Variants in SORCS2 observed in about 807,000 individuals in gnomAD.
SORCS2 encodes the protein VPS10 domain-containing receptor SorCS2.
SORCS2 carries 100 observed loss-of-function variants against 141.6 expected under a neutral mutation model. That is an observed-to-expected ratio of 0.71 (90% CI 0.60 to 0.83). The LOEUF (loss-of-function observed/expected upper bound fraction) is 0.83, where lower values mean the gene tolerates loss of function less well. SORCS2 is among the 40% of genes least tolerant of loss of function. The pLI is 0.00. For missense variants in SORCS2, 1,646 were observed against 1,560.2 expected, an observed-to-expected ratio of 1.05 and a Z score of -0.93; for synonymous variants, 789 against 676.9, an observed-to-expected ratio of 1.17 and a Z score of -2.57.
chr4:7,324,034 T>C (rs1383635289), intron 1 of SORCS2, among the ~76,000 whole-genome samples: 1 of 152,198 alleles, frequency 6.6e-6, no homozygotes, highest in Non-Finnish European at 1.5e-5. Flanking sequence ...GATGGGTCTC[T>C]CACAGGGATC....
In SORCS2 at chr4:7,699,637, G is replaced by A. The variant is rs1432039171; in HGVS notation, c.1668+2363G>A. On this transcript the variant is annotated intron_variant, in intron 12 of 26. Coordinates refer to ENST00000507866, the MANE Select transcript of SORCS2 (RefSeq NM_020777.3). ...TTAGGCTCCTGGTGGAGCCAGGGAAGGGGGCTGCAGCCACGCCCTCAAAGG... is the reference window on the plus strand; with the variant it reads ...TTAGGCTCCTGGTGGAGCCAGGGAAAGGGGCTGCAGCCACGCCCTCAAAGG... Among the ~76,000 whole-genome samples the A allele has an allele frequency of 2.6e-5, 4 of 152,298 alleles. No homozygotes were observed. The East Asian group carries it at 7.8e-4, about 30-fold the overall frequency.
chr4:7,712,134 C>T (rs532212216), intron 14 of SORCS2, among the ~76,000 whole-genome samples: 201 of 152,334 alleles, frequency 1.3e-3, no homozygotes, highest in South Asian at 2.3e-3. Context: ...CCCCCACCCA[C>T]CTAGGCTGCG....
intron 2 of SORCS2, among the ~76,000 whole-genome samples, chr4:7,468,896 G>C (rs1039393601): frequency 6.6e-6 from 1 of 152,184 alleles, no homozygotes; most frequent in Admixed American, 6.5e-5. Flanking sequence ...TTCTCTCCCT[G>C]CTCCACATCT....
At chr4:7,337,511 C>A (rs533516810) in intron 1 of SORCS2, among the ~76,000 whole-genome samples, 1 of 152,170 alleles carries the variant, frequency 6.6e-6, no homozygotes, top group Non-Finnish European at 1.5e-5. Flanking sequence ...GTGCACCGGC[C>A]CTGAGGGCAG....
chr4:7,372,857 C>T (rs1426550771), intron 1 of SORCS2, among the ~76,000 whole-genome samples: 1 of 152,140 alleles, frequency 6.6e-6, no homozygotes, highest in Non-Finnish European at 1.5e-5. Context: ...TTCACTCCCG[C>T]AGTCCTGTTG....
chr4:7,242,461 C>G (rs1332634231), intron 1 of SORCS2, among the ~76,000 whole-genome samples: 1 of 152,120 alleles, frequency 6.6e-6, no homozygotes, highest in Non-Finnish European at 1.5e-5. Context: ...ACCCCGGCCT[C>G]CCAAAGTGCT....
intron 11 of SORCS2, among the ~76,000 whole-genome samples, chr4:7,694,253 A>G (rs1724452252): frequency 6.6e-6 from 1 of 152,134 alleles, no homozygotes; most frequent in Non-Finnish European, 1.5e-5. Flanking sequence ...GCCCAAAGAG[A>G]CACCAGAACA....
At chr4:7,721,843 C>T (rs1005030127) in intron 18 of SORCS2, among the ~76,000 whole-genome samples, 22 of 152,092 alleles carry the variant, frequency 1.4e-4, no homozygotes, top group African/African-American at 5.3e-4. Flanking sequence ...GGATCTGTAT[C>T]ATTCCGTACA....
At position 7,479,665 on chromosome 4, in the gene SORCS2, C is replaced by T. The variant is rs78228012; in HGVS notation, c.549-51865C>T. Among the ~76,000 whole-genome samples, 580 of 150,702 alleles carry T rather than the reference C, an allele frequency of 3.8e-3. 8 individuals carry two copies. Among genetic ancestry groups the T allele is most frequent in the Non-Finnish European group, 3.5e-3 (235 of 67,816 alleles). Reference sequence around the variant, plus strand: ...GTTCAGGGCCTGGCAATGTTTGCATCGGGGGGCCGTGTCCCTCTTCTCCTC... The same window carrying T: ...GTTCAGGGCCTGGCAATGTTTGCATTGGGGGGCCGTGTCCCTCTTCTCCTC... On this transcript the variant is annotated intron_variant, in intron 2 of 26. Coordinates refer to ENST00000507866, the MANE Select transcript of SORCS2 (RefSeq NM_020777.3).
At chr4:7,659,763 G>A (rs1316355856) in intron 5 of SORCS2, among the ~76,000 whole-genome samples, 1 of 152,338 alleles carries the variant, frequency 6.6e-6, no homozygotes, top group East Asian at 1.9e-4. Flanking sequence ...GGACAAAGGG[G>A]CCAGGGCACA....
intron 1 of SORCS2, among the ~76,000 whole-genome samples, chr4:7,240,416 G>C (rs1202579705): frequency 6.6e-6 from 1 of 152,204 alleles, no homozygotes; most frequent in Non-Finnish European, 1.5e-5. Context: ...GGGCCATCCA[G>C]GGTGTCAGCT....
chr4:7,444,906 G>A (rs1336458021), intron 2 of SORCS2, among the ~76,000 whole-genome samples: 1 of 152,250 alleles, frequency 6.6e-6, no homozygotes, highest in African/African-American at 2.4e-5. Context: ...GGAACACACC[G>A]AACGTTTGGC....
intron 3 of SORCS2, among the ~76,000 whole-genome samples, chr4:7,603,981 G>A (rs929809256): frequency 2.6e-5 from 4 of 152,150 alleles, no homozygotes. Context: ...ATTCATATGT[G>A]TGACTATGTT....
intron 9 of SORCS2, among the ~76,000 whole-genome samples, chr4:7,679,959 C>A (rs1165993827): frequency 6.6e-6 from 1 of 152,190 alleles, no homozygotes; most frequent in East Asian, 1.9e-4. Context: ...TACCCAATAA[C>A]ACAAACCATC....
At chr4:7,520,631 G>A (rs1306135414) in intron 2 of SORCS2, among the ~76,000 whole-genome samples, 1 of 152,210 alleles carries the variant, frequency 6.6e-6, no homozygotes, top group African/African-American at 2.4e-5. Context: ...TCAGGGCGTG[G>A]ATGCAGAGAG....
intron 1 of SORCS2, among the ~76,000 whole-genome samples, chr4:7,220,636 T>C (rs956881652): frequency 1.3e-5 from 2 of 152,164 alleles, no homozygotes; most frequent in African/African-American, 4.8e-5. Context: ...GGACAGTTGA[T>C]ATTTCCCCAG....
chr4:7,723,820 G>T lies in SORCS2; in HGVS notation c.2548G>T (p.Val850Leu), dbSNP rs370469470. ...CTACGAGAGCCCCGGCATCTACCGC[G>T]TGTCCGTCAGGGCAGAGAACACGGC... ...HRYESPGIYR[V>L]SVRAENTAGH... is the part of the protein sequence containing the mutation. The change falls in exon 19 of 27, where the codon GTG becomes TTG. Residue 850 changes from valine (V) to leucine (L), a missense_variant. Val to Leu is a conservative substitution (Grantham distance 32, BLOSUM62 1). Coordinates refer to ENST00000507866, the MANE Select transcript of SORCS2 (RefSeq NM_020777.3). 7 of 1,613,410 alleles carry T rather than the reference G, an allele frequency of 4.3e-6. No homozygotes were observed. The South Asian group carries it at 5.5e-5, about 13-fold the overall frequency.
chr4:7,676,749 C>A (rs7654432), intron 9 of SORCS2, among the ~76,000 whole-genome samples: 32,446 of 62,414 alleles, frequency 0.52, 6,948 homozygotes, highest in East Asian at 0.59. Context: ...TCTCCACCCC[C>A]GCCCTGTCAT....
chr4:7,279,428 A>G (rs572673260), intron 1 of SORCS2, among the ~76,000 whole-genome samples: 1 of 152,190 alleles, frequency 6.6e-6, no homozygotes, highest in African/African-American at 2.4e-5. Flanking sequence ...CCTGAACCGG[A>G]TGGTGATGTC....
Sources: allele counts gnomAD v4.1 joint callset (sites outside exome capture counted in the v4.1 genomes callset), GRCh38; gene constraint gnomAD v4.1.1; transcripts MANE v1.5; gene names NCBI Gene and HGNC (gene_info 2026-07-23, HGNC 2026-07-21).